The following COL21A1 variants were observed in gnomAD, a reference collection of about 807,000 sequenced individuals.
The protein encoded by COL21A1 is collagen alpha-1(XXI) chain.
In COL21A1, 149 loss-of-function variants were observed where a neutral mutation model predicts 137.9. The ratio of observed to expected loss-of-function variants is 1.08; its 90% CI spans 0.95 to 1.24. The LOEUF is 1.24. Among genes scored for constraint, COL21A1 ranks in the 50% most tolerant of loss-of-function variants. The pLI, the probability that COL21A1 is intolerant of heterozygous loss-of-function variation, is 0.00. For synonymous variants in COL21A1, 456 were observed against 391.5 expected, an observed-to-expected ratio of 1.16 and a Z score of -1.95; for missense variants, 1,167 against 1,158.4, an observed-to-expected ratio of 1.01 and a Z score of -0.11.
chr6:56,332,549 G>A (rs1765251794), intron 1 of COL21A1, among the ~76,000 whole-genome samples: 1 of 151,330 alleles, frequency 6.6e-6, no homozygotes, highest in Non-Finnish European at 1.5e-5. Flanking sequence ...TGTCTCAAAG[G>A]ATTGGGGTTT....
chr6:56,140,333 T>C (rs62413480), intron 12 of COL21A1, among the ~76,000 whole-genome samples: 2,076 of 152,316 alleles, frequency 0.014, 22 homozygotes, highest in Middle Eastern at 0.031. Context: ...AAAATCTATG[T>C]ATATTCTATT....
chr6:56,361,498 A>C (rs991252851), intron 1 of COL21A1, among the ~76,000 whole-genome samples: 1 of 152,180 alleles, frequency 6.6e-6, no homozygotes. Context: ...TCAGTGGACT[A>C]TCAGGTACCT....
intron 1 of COL21A1, among the ~76,000 whole-genome samples, chr6:56,380,507 A>G (rs1462221560): frequency 6.6e-6 from 1 of 152,132 alleles, no homozygotes; most frequent in Non-Finnish European, 1.5e-5. Context: ...AATCTACTCA[A>G]TAAAATTATC....
Position 56,059,224 on chromosome 6 carries a change from C to A in COL21A1, c.2627G>T (p.Gly876Val), listed in dbSNP as rs1334477710. The change falls in exon 29 of 30, where the codon GGG becomes GTG. Residue 876 changes from glycine to valine, a missense_variant. By Grantham distance (109) the Gly-to-Val change is moderately radical. Transcript: ENST00000244728. ...CCCAAACCCTTGGCTCCCTTTTTCCCCATTTCTTCCTGGTAGGCCTGCAGG... is the reference window on the plus strand; with the variant it reads ...CCCAAACCCTTGGCTCCCTTTTTCCACATTTCTTCCTGGTAGGCCTGCAGG... ...RGLKGLPGRN[G>V]EKGSQGFGYP... 4.4e-6 allele frequency: 7 copies of A among 1,606,512 alleles called. No homozygotes were observed. Among genetic ancestry groups the A allele is most frequent in the Non-Finnish European group, 5.9e-6 (7 of 1,177,668 alleles).
chr6:56,363,275 T>TA (rs1330846998), intron 1 of COL21A1, among the ~76,000 whole-genome samples: 2 of 152,234 alleles, frequency 1.3e-5, no homozygotes, highest in Admixed American at 1.3e-4. Context: ...CATATACACG[T>TA]AATAAGTATC....
chr6:56,281,643 T>C (rs1763788321), intron 1 of COL21A1, among the ~76,000 whole-genome samples: 1 of 152,200 alleles, frequency 6.6e-6, no homozygotes, highest in Non-Finnish European at 1.5e-5. Context: ...TGTCTCTTTC[T>C]TTATCCCCAT....
chr6:56,065,156 G>A (rs1766132625), intron 23 of COL21A1, among the ~76,000 whole-genome samples: 1 of 151,960 alleles, frequency 6.6e-6, no homozygotes, highest in African/African-American at 2.4e-5. Context: ...TATTCAATAA[G>A]TATTTTTGGG....
intron 1 of COL21A1, among the ~76,000 whole-genome samples, chr6:56,200,055 T>C (rs1779279145): frequency 6.6e-6 from 1 of 152,128 alleles, no homozygotes; most frequent in African/African-American, 2.4e-5. Context: ...GAGCTGACAC[T>C]TAAGCAACAT....
chr6:56,197,162 T>C (rs945084300), intron 1 of COL21A1, among the ~76,000 whole-genome samples: 2 of 151,978 alleles, frequency 1.3e-5, no homozygotes, highest in African/African-American at 4.8e-5. Context: ...TAGATATCCA[T>C]GTGGAAAAGA....
intron 1 of COL21A1, among the ~76,000 whole-genome samples, chr6:56,253,020 T>C (rs1782890415): frequency 6.6e-6 from 1 of 152,206 alleles, no homozygotes; most frequent in Non-Finnish European, 1.5e-5. Flanking sequence ...ATATGACCTA[T>C]GTATTCTATC....
At chr6:56,203,085 T>G (rs779667383) in intron 1 of COL21A1, among the ~76,000 whole-genome samples, 2 of 152,196 alleles carry the variant, frequency 1.3e-5, no homozygotes, top group Non-Finnish European at 2.9e-5. Context: ...AATAAAATAT[T>G]GTCAAAATAT....
chr6:56,079,246 G>C (rs1361747215), intron 17 of COL21A1, among the ~76,000 whole-genome samples: 1 of 151,652 alleles, frequency 6.6e-6, no homozygotes, highest in Non-Finnish European at 1.5e-5. Context: ...TTCTATGCTG[G>C]AAAACTGGTA....
chr6:56,262,267 C>G (rs1763296628), intron 1 of COL21A1, among the ~76,000 whole-genome samples: 1 of 152,162 alleles, frequency 6.6e-6, no homozygotes. Flanking sequence ...AATCCTTCTT[C>G]TCTCAACTTA....
At chr6:56,156,851 A>G in intron 10 of COL21A1, 36 bp downstream of exon 10, 1 of 1,549,734 alleles carries the variant, frequency 6.5e-7, no homozygotes, top group Non-Finnish European at 8.9e-7. Flanking sequence ...CTGTAATCCC[A>G]GATATACCGG....
intron 1 of COL21A1, among the ~76,000 whole-genome samples, chr6:56,215,052 T>G (rs1185206010): frequency 6.6e-6 from 1 of 151,974 alleles, no homozygotes; most frequent in East Asian, 1.9e-4. Context: ...CTTAACGTCC[T>G]ATGTTATATA....
At chr6:56,337,620 G>A (rs1025259425) in intron 1 of COL21A1, among the ~76,000 whole-genome samples, 1 of 152,214 alleles carries the variant, frequency 6.6e-6, no homozygotes, top group African/African-American at 2.4e-5. Flanking sequence ...TAACATCTGT[G>A]AAGTGGAGAT....
intron 16 of COL21A1, among the ~76,000 whole-genome samples, chr6:56,121,558 GTGTA>G (rs1181212914): frequency 7.3e-6 from 1 of 136,966 alleles, no homozygotes; most frequent in African/African-American, 2.8e-5. Flanking sequence ...ATATGTATAT[GTGTA>G]TATATATATA....
At chr6:56,097,222 C>A (rs187958591) in intron 17 of COL21A1, among the ~76,000 whole-genome samples, 1 of 152,040 alleles carries the variant, frequency 6.6e-6, no homozygotes, top group Non-Finnish European at 1.5e-5. Flanking sequence ...AGTAAAGGAA[C>A]CTCTCCTGTG....
intron 1 of COL21A1, among the ~76,000 whole-genome samples, chr6:56,375,996 G>T (rs2093998495): frequency 6.6e-6 from 1 of 152,132 alleles, no homozygotes; most frequent in South Asian, 2.1e-4. Flanking sequence ...GGTTGTTTAG[G>T]AAACAACAAT....
Sources: allele counts gnomAD v4.1 joint callset (sites outside exome capture counted in the v4.1 genomes callset), GRCh38; gene constraint gnomAD v4.1.1; transcripts MANE v1.5; gene names NCBI Gene and HGNC (gene_info 2026-07-23, HGNC 2026-07-21).